Variants in FAM227B observed in about 807,000 individuals in gnomAD.
The protein encoded by FAM227B is family with sequence similarity 227 member B, also known as protein FAM227B.
A neutral mutation model predicts 73.8 loss-of-function variants in FAM227B; 88 were observed. The ratio of observed to expected loss-of-function variants is 1.19; its 90% CI spans 1.00 to 1.42. The LOEUF is 1.42. FAM227B is among the 40% of genes most tolerant of loss of function. The pLI is 0.00. For missense variants in FAM227B, 632 were observed against 590.9 expected (o/e 1.07, Z -0.72); for synonymous variants, 210 against 190.5 (o/e 1.10, Z -0.84).
intron 11 of FAM227B, among the ~76,000 whole-genome samples, chr15:49,500,601 A>G (rs1265274705): frequency 6.6e-6 from 1 of 152,256 alleles, no homozygotes; most frequent in Non-Finnish European, 1.5e-5. Context: ...AAAGACCATA[A>G]CAAGTGTTAG....
At chr15:49,429,622 A>T (rs1461028778) in intron 11 of FAM227B, among the ~76,000 whole-genome samples, 1 of 151,906 alleles carries the variant, frequency 6.6e-6, no homozygotes, top group South Asian at 2.1e-4. Context: ...ACATTTTTCT[A>T]TCTCTCAACC....
intron 13 of FAM227B, among the ~76,000 whole-genome samples, chr15:49,340,057 T>C (rs1469731938): frequency 6.6e-6 from 1 of 152,086 alleles, no homozygotes; most frequent in African/African-American, 2.4e-5. Context: ...CTGGGCTCAG[T>C]GGGGGTGGGA....
intron 10 of FAM227B, among the ~76,000 whole-genome samples, chr15:49,532,071 A>G (rs1438081886): frequency 6.7e-6 from 1 of 149,178 alleles, no homozygotes; most frequent in Non-Finnish European, 1.5e-5. Flanking sequence ...TAAAATATAC[A>G]TAATATTATA....
intron 11 of FAM227B, among the ~76,000 whole-genome samples, chr15:49,499,975 C>G (rs2058006431): frequency 6.6e-6 from 1 of 152,046 alleles, no homozygotes; most frequent in Non-Finnish European, 1.5e-5. Context: ...AAAGCACAAA[C>G]TATATTAAAA....
intron 15 of FAM227B, chr15:49,331,499 G>T: frequency 2.8e-6 from 1 of 356,272 alleles, no homozygotes; most frequent in Non-Finnish European, 5.1e-6. Flanking sequence ...TTAAACATCA[G>T]TGATTATTAG....
intron 13 of FAM227B, among the ~76,000 whole-genome samples, chr15:49,360,602 C>G (rs1363366433): frequency 6.6e-6 from 1 of 152,030 alleles, no homozygotes; most frequent in Non-Finnish European, 1.5e-5. Context: ...ATTAGCAGCT[C>G]TAAATACATT....
rs570883589 is a variant in FAM227B at position 49,432,816 on chromosome 15, C to A, written c.1013-61417G>T. Among the ~76,000 whole-genome samples, 36 of 151,546 alleles carry A rather than the reference C, an allele frequency of 2.4e-4. No individual in the cohort carries two copies. In the East Asian group the frequency reaches 4.7e-3, roughly 20 times the overall value. ...TGGGATTTAAGCCTAATTTAAAATTCTTTCTGAGTTCTGAGCAGATTTATA... is the reference window on the plus strand; with the variant it reads ...TGGGATTTAAGCCTAATTTAAAATTATTTCTGAGTTCTGAGCAGATTTATA... On this transcript the variant is annotated intron_variant, in intron 11 of 15. Transcript: ENST00000299338.
intron 10 of FAM227B, among the ~76,000 whole-genome samples, chr15:49,512,480 A>G (rs2152122570): frequency 6.6e-6 from 1 of 152,210 alleles, no homozygotes; most frequent in East Asian, 1.9e-4. Flanking sequence ...ATTACCCACA[A>G]TCTTCCAGAA....
intron 13 of FAM227B, among the ~76,000 whole-genome samples, chr15:49,336,060 G>GGCC (rs2039660328): frequency 6.6e-6 from 1 of 152,006 alleles, no homozygotes; most frequent in African/African-American, 2.4e-5. Flanking sequence ...CTCCTGCCTT[G>GGCC]GCCTCCCAAA....
At chr15:49,558,998 G>A (rs2074007688) in intron 9 of FAM227B, among the ~76,000 whole-genome samples, 2 of 152,054 alleles carry the variant, frequency 1.3e-5, no homozygotes, top group African/African-American at 4.8e-5. Flanking sequence ...CCATAAAACT[G>A]TCTGTATCAG....
intron 11 of FAM227B, among the ~76,000 whole-genome samples, chr15:49,490,046 G>T (rs1437804213): frequency 2.7e-5 from 4 of 149,930 alleles, no homozygotes; most frequent in Non-Finnish European, 5.9e-5. Flanking sequence ...ATGTGCCTCT[G>T]CAGTTGAGAA....
At chr15:49,417,678 G>T (rs1375208449) in intron 11 of FAM227B, among the ~76,000 whole-genome samples, 2 of 151,852 alleles carry the variant, frequency 1.3e-5, no homozygotes, top group Non-Finnish European at 2.9e-5. Flanking sequence ...ACTAAAGATG[G>T]ATTAAAGACT....
intron 3 of FAM227B, among the ~76,000 whole-genome samples, chr15:49,590,366 A>T (rs2152409100): frequency 6.6e-6 from 1 of 152,322 alleles, no homozygotes; most frequent in East Asian, 1.9e-4. Context: ...TTCAAGTTTC[A>T]GTGGAACCAA....
At chr15:49,351,146 T>C (rs1596391509) in intron 13 of FAM227B, among the ~76,000 whole-genome samples, 1 of 152,308 alleles carries the variant, frequency 6.6e-6, no homozygotes, top group Non-Finnish European at 1.5e-5. Flanking sequence ...TGTTTGCACT[T>C]ATTTGAATTC....
intron 10 of FAM227B, among the ~76,000 whole-genome samples, chr15:49,524,877 GT>G (rs1398194542): frequency 6.6e-6 from 1 of 152,106 alleles, no homozygotes; most frequent in Non-Finnish European, 1.5e-5. Context: ...TGGCCCCTTT[GT>G]TTTGGCCAAT....
intron 11 of FAM227B, among the ~76,000 whole-genome samples, chr15:49,503,037 A>G (rs2058272545): frequency 6.6e-6 from 1 of 152,208 alleles, no homozygotes; most frequent in Non-Finnish European, 1.5e-5. Flanking sequence ...CTACAAGGCT[A>G]CAGTAACCAA....
chr15:49,601,104 T>C (rs1031624470), intron 3 of FAM227B, among the ~76,000 whole-genome samples: 1 of 150,042 alleles, frequency 6.7e-6, no homozygotes, highest in Non-Finnish European at 1.5e-5. Context: ...TGTTTTGTAT[T>C]AGGTTGGAGC....
chr15:49,610,477 T>C (rs902285006), intron 3 of FAM227B, among the ~76,000 whole-genome samples: 2 of 150,672 alleles, frequency 1.3e-5, no homozygotes, highest in African/African-American at 4.9e-5. Flanking sequence ...AAGATAGATA[T>C]TTAAAAGTAG....
At chr15:49,588,199 A>G in intron 4 of FAM227B, 116 bp from the exon 5 acceptor site, 1 of 587,150 alleles carries the variant, frequency 1.7e-6, no homozygotes, top group Non-Finnish European at 2.5e-6. Context: ...AATGAAATCA[A>G]TTAGCAATTG....
Sources: allele counts gnomAD v4.1 joint callset (sites outside exome capture counted in the v4.1 genomes callset), GRCh38; gene constraint gnomAD v4.1.1; transcripts MANE v1.5; gene names NCBI Gene and HGNC (gene_info 2026-07-23, HGNC 2026-07-21).